The following SLC2A10 variants were observed in gnomAD, a reference collection of about 807,000 sequenced individuals.
SLC2A10 encodes the protein solute carrier family 2, facilitated glucose transporter member 10.
Under a neutral mutation model 32.1 loss-of-function variants are expected in SLC2A10, and 25 were observed. That is an observed-to-expected ratio of 0.78 (90% CI 0.57 to 1.09). The LOEUF (loss-of-function observed/expected upper bound fraction) is 1.09, where lower values mean the gene tolerates loss of function less well. Ranked by LOEUF, SLC2A10 falls within the 50% of genes least tolerant of loss-of-function variation. The pLI, the probability that SLC2A10 is intolerant of heterozygous loss-of-function variation, is 0.00. For missense variants in SLC2A10, 673 were observed against 686.5 expected (o/e 0.98, Z 0.22); for synonymous variants, 332 against 309.6 (o/e 1.07, Z -0.76).
intron 4 of SLC2A10, among the ~76,000 whole-genome samples, chr20:46,733,537 G>A (rs1600675122): frequency 6.6e-6 from 1 of 152,168 alleles, no homozygotes; most frequent in East Asian, 1.9e-4. Flanking sequence ...GGTGACAAGG[G>A]GCTATAGGAG....
chr20:46,718,826 G>A (rs1462473120), intron 1 of SLC2A10, among the ~76,000 whole-genome samples: 3 of 151,964 alleles, frequency 2.0e-5, no homozygotes, highest in Non-Finnish European at 4.4e-5. Flanking sequence ...CCCAGGCTGG[G>A]ATGCAGTGGT....
chr20:46,730,202 A>G (rs1980222646), intron 4 of SLC2A10, among the ~76,000 whole-genome samples: 2 of 152,276 alleles, frequency 1.3e-5, no homozygotes, highest in East Asian at 3.9e-4. Context: ...TTCCGTGGCT[A>G]TTTATTAAGT....
intron 3 of SLC2A10, among the ~76,000 whole-genome samples, chr20:46,727,960 C>T (rs1057432424): frequency 1.8e-4 from 27 of 152,130 alleles, no homozygotes; most frequent in Non-Finnish European, 2.5e-4. Context: ...AAGAACCCCC[C>T]CTATCATGGC....
At chr20:46,720,923 A>G (rs1450966547) in intron 1 of SLC2A10, among the ~76,000 whole-genome samples, 6 of 152,180 alleles carry the variant, frequency 3.9e-5, no homozygotes, top group East Asian at 1.9e-4. Context: ...AATAATAATC[A>G]TCTTATATCT....
At chr20:46,710,744 G>A (rs1978860129) in intron 1 of SLC2A10, among the ~76,000 whole-genome samples, 1 of 152,240 alleles carries the variant, frequency 6.6e-6, no homozygotes, top group Non-Finnish European at 1.5e-5. Flanking sequence ...AGGGCACTGA[G>A]GTCAAAGGGA....
rs1469456007 is a variant in SLC2A10 at position 46,725,947 on chromosome 20, G to A, written c.911G>A (p.Cys304Tyr). The A allele has an allele frequency of 6.2e-7, 1 of 1,613,870 alleles. No homozygotes were observed. The highest frequency in any genetic ancestry group is 1.3e-5 in the African/African-American group (1 of 75,074). Residue 304 changes from cysteine (C) to tyrosine (Y), a missense_variant, in exon 2 of 5, where the codon TGT becomes TAT. Cys to Tyr is a radical substitution (Grantham distance 194). Coordinates refer to ENST00000359271, the MANE Select transcript of SLC2A10 (RefSeq NM_030777.4). ...AGRRALLLAG[C>Y]ALMALSVSGI... Reference sequence around the variant, plus strand: ...CGCAGGGCTCTGTTGCTAGCTGGCTGTGCCCTCATGGCCCTGTCCGTCAGT... The same window carrying A: ...CGCAGGGCTCTGTTGCTAGCTGGCTATGCCCTCATGGCCCTGTCCGTCAGT...
At chr20:46,714,041 TA>T (rs907389029) in intron 1 of SLC2A10, among the ~76,000 whole-genome samples, 15 of 149,574 alleles carry the variant, frequency 1.0e-4, no homozygotes, top group South Asian at 4.2e-4. Flanking sequence ...GTACTGAGAT[TA>T]AAAAAAAAAT....
Position 46,725,351 on chromosome 20 carries a change from C to T in SLC2A10, c.315C>T (p.Arg105=), listed in dbSNP as rs150800734. The T allele has an allele frequency of 1.7e-4, 273 of 1,614,102 alleles. 1 individual carries two copies. The Middle Eastern group carries it at 2.1e-3, about 13-fold the overall frequency. ...AGSLAWLVLG[R]AVVGFAISLS... ...CCCTGGCCTGGCTGGTCCTGGGCCG[C>T]GCTGTGGTTGGCTTCGCCATTTCCC... is the stretch of plus-strand genomic sequence containing the variant. The change falls in exon 2 of 5, where the codon CGC becomes CGT. Residue 105 remains arginine (R), a synonymous_variant. Transcript: ENST00000359271.
intron 1 of SLC2A10, among the ~76,000 whole-genome samples, chr20:46,719,854 A>C (rs1979452074): frequency 6.6e-6 from 1 of 152,236 alleles, no homozygotes; most frequent in Admixed American, 6.5e-5. Context: ...TCCAAGAGCC[A>C]GTGAGAAAGG....
intron 1 of SLC2A10, among the ~76,000 whole-genome samples, chr20:46,721,877 C>T (rs1380568203): frequency 1.3e-5 from 2 of 152,152 alleles, no homozygotes; most frequent in Non-Finnish European, 2.9e-5. Context: ...ACTGGTAACC[C>T]CATCAGTGGG....
Position 46,733,759 on chromosome 20 carries a change from C to T in SLC2A10, c.1551C>T (p.Phe517=), listed in dbSNP as rs2123074073. ...EIDQQFQKRR[F]TLSFGHRQNS... ...CCACGCATTCTTTGTCTGACAGGTTCACCCTGAGCTTTGGCCACAGGCAGA... is the reference window on the plus strand; with the variant it reads ...CCACGCATTCTTTGTCTGACAGGTTTACCCTGAGCTTTGGCCACAGGCAGA... The change falls in exon 5 of 5, where the codon TTC becomes TTT. Residue 517 remains phenylalanine, a synonymous_variant. Coordinates refer to ENST00000359271, the MANE Select transcript of SLC2A10 (RefSeq NM_030777.4). 1.9e-6 allele frequency: 3 copies of T among 1,614,024 alleles called. No homozygotes were observed. Among genetic ancestry groups the T allele is most frequent in the Non-Finnish European group, 2.5e-6 (3 of 1,179,932 alleles).
chr20:46,711,704 C>T (rs964671601), intron 1 of SLC2A10, among the ~76,000 whole-genome samples: 5 of 152,164 alleles, frequency 3.3e-5, no homozygotes, highest in Admixed American at 3.3e-4. Context: ...TCTTACACAG[C>T]AGGGACCAGG....
At chr20:46,718,679 A>C (rs1413059533) in intron 1 of SLC2A10, among the ~76,000 whole-genome samples, 1 of 151,982 alleles carries the variant, frequency 6.6e-6, no homozygotes, top group African/African-American at 2.4e-5. Flanking sequence ...TCAATTATTC[A>C]AGATTTTTAA....
chr20:46,734,294 A>AT lies in SLC2A10; in HGVS notation c.*472dup, dbSNP rs3091691. ...GGAAGTCTCTTTTTTTACTCTTATC[A>AT]TTTTTTTTTTTTGAGGTGGAGTCTC... On this transcript the variant is annotated 3_prime_UTR_variant, in exon 5 of 5. Coordinates refer to ENST00000359271, the MANE Select transcript of SLC2A10 (RefSeq NM_030777.4). 0.062 allele frequency: 11,562 copies of AT among 187,916 alleles called. 347 individuals carry two copies. The highest frequency in any genetic ancestry group is 0.21 in the East Asian group (1,395 of 6,570). 11.6% of individuals were successfully genotyped at this position (187,916 alleles called of 1,614,324 possible).
In SLC2A10 at chr20:46,725,709, C is replaced by T. The variant is rs199659394; in HGVS notation, c.673C>T (p.Arg225Cys). 42 of 1,614,104 alleles carry T rather than the reference C, an allele frequency of 2.6e-5. No homozygotes were observed. The highest frequency in any genetic ancestry group is 3.3e-4 in the Middle Eastern group (2 of 6,062). ...RYSFLDLFRA[R>C]DNMRGRTTVG... ...CTCCTTTCTGGACCTCTTCAGGGCA[C>T]GCGATAACATGCGAGGCCGGACCAC... Residue 225 changes from arginine to cysteine, a missense_variant, in exon 2 of 5, where the codon CGC becomes TGC. Physicochemically the swap from Arg to Cys is radical, Grantham distance 180. Transcript: ENST00000359271.
At chr20:46,721,875 C>A (rs2425901) in intron 1 of SLC2A10, among the ~76,000 whole-genome samples, 43,523 of 152,102 alleles carry the variant, frequency 0.29, 7,143 homozygotes, top group East Asian at 0.58. Context: ...TGACTGGTAA[C>A]CCCATCAGTG....
rs369865870 is a variant in SLC2A10, at chr20:46,725,274, G to C, written c.238G>C (p.Gly80Arg). Reference protein sequence around the residue: ...DCYGRKQAILGSNLVLLAGSL... With the variant: ...DCYGRKQAILRSNLVLLAGSL... ...CTATGGCAGGAAGCAAGCCATCCTC[G>C]GGAGCAACTTGGTGCTGCTGGCAGG... is the stretch of plus-strand genomic sequence containing the variant. Residue 80 changes from glycine (G) to arginine (R), a missense_variant, in exon 2 of 5, where the codon GGG becomes CGG. By Grantham distance (125) the Gly-to-Arg change is moderately radical. Transcript: ENST00000359271. The C allele has an allele frequency of 6.2e-7, 1 of 1,614,110 alleles. No individual in the cohort carries two copies. The highest frequency in any genetic ancestry group is 2.2e-5 in the East Asian group (1 of 44,872).
At chr20:46,709,833 T>C in intron 1 of SLC2A10, 93 bp downstream of exon 1, 1 of 1,463,016 alleles carries the variant, frequency 6.8e-7, no homozygotes, top group Non-Finnish European at 9.3e-7. Flanking sequence ...GCGCGCCCCC[T>C]GGCTCCCCCA....
At chr20:46,708,736 C>T (rs1429132737), upstream of SLC2A10, among the ~76,000 whole-genome samples, 2 of 152,210 alleles carry the variant, frequency 1.3e-5, no homozygotes, top group East Asian at 3.8e-4. Context: ...TTGAAATCTA[C>T]ATTCCTGACC....
Sources: gnomAD v4.1 joint callset for allele counts (sites outside exome capture counted in the v4.1 genomes callset) on GRCh38, gnomAD v4.1.1 for gene constraint, MANE v1.5 for transcripts, NCBI Gene and HGNC (gene_info 2026-07-23, HGNC 2026-07-21) for gene names.